Variants in SYS1 observed in about 807,000 individuals in gnomAD.
SYS1 encodes the protein protein SYS1 homolog.
Under a neutral mutation model 17.8 loss-of-function variants are expected in SYS1, and 8 were observed. The observed-to-expected ratio is 0.45, with a 90% confidence interval of 0.26 to 0.81. SYS1 has a LOEUF of 0.81. Ranked by LOEUF, SYS1 falls within the 40% of genes least tolerant of loss-of-function variation. The pLI, the probability that SYS1 is intolerant of heterozygous loss-of-function variation, is 0.16. For missense variants in SYS1, 161 were observed against 203.9 expected (o/e 0.79, Z 1.28); for synonymous variants, 95 against 90.9 (o/e 1.05, Z -0.26).
chr20:45,375,274 A>G, exon 4 of SYS1: 1 of 1,614,004 alleles, frequency 6.2e-7, no homozygotes, highest in Non-Finnish European at 8.5e-7. Flanking sequence ...GCCCTCGGTG[A>G]GTGGTTGCCT....
chr20:45,363,326 C>G lies in SYS1; in HGVS notation c.-4+11C>G. 1 of 1,415,914 alleles carries G rather than the reference C, an allele frequency of 7.1e-7. No homozygotes were observed. The highest frequency in any genetic ancestry group is 9.2e-7 in the Non-Finnish European group (1 of 1,086,638). 87.7% of individuals were successfully genotyped at this position (1,415,914 alleles called of 1,614,324 possible). ...TCGAGTCTGTCACTGGTGAGTAGAC[C>G]CCAGAGGAGCTCGTGTACGGGCGGG... is the stretch of plus-strand genomic sequence containing the variant. On this transcript the variant is annotated intron_variant, in intron 1 of 3. Transcript: ENST00000243918.
intron 2 of SYS1, among the ~76,000 whole-genome samples, chr20:45,364,322 G>A (rs1988329774): frequency 6.6e-6 from 1 of 151,958 alleles, no homozygotes; most frequent in African/African-American, 2.4e-5. Flanking sequence ...AAAGTGGGCC[G>A]GATGCTCCTA....
intron 1 of SYS1, 27 bp from the exon 2 acceptor site, chr20:45,363,502 G>T (rs1215236086): frequency 1.3e-6 from 2 of 1,570,064 alleles, no homozygotes; most frequent in East Asian, 2.3e-5. Flanking sequence ...CAGGCCGCTG[G>T]CTGAGGCCCG....
At position 45,363,640 on chromosome 20, in the gene SYS1, G is replaced by C; in HGVS notation, c.109G>C (p.Val37Leu). 1.3e-6 allele frequency: 2 copies of C among 1,580,708 alleles called. No individual in the cohort carries two copies. Among genetic ancestry groups the C allele is most frequent in the Non-Finnish European group, 1.7e-6 (2 of 1,164,604 alleles). ...YGSLGLWLALVDGLVRSSPSL... is the reference protein window; with the variant it reads ...YGSLGLWLALLDGLVRSSPSL... The stretch of plus-strand genomic sequence containing the variant: ...CTCGCTGGGCCTGTGGCTGGCGCTG[G>C]TGGACGGGCTAGTGCGAAGCAGCCC... The change falls in exon 2 of 4, where the codon GTG (valine) becomes CTG (leucine). Residue 37 changes from valine to leucine, a missense_variant. Val to Leu is a conservative substitution (Grantham distance 32). Transcript: ENST00000243918.
In SYS1 at chr20:45,368,862, C is replaced by G. The variant is rs7098; in HGVS notation, c.*1747C>G. ...GTGGCTGCTGTCACCCTTGACCAGC[C>G]GTGGTGGTGGTTACTCCATCTGTGG... On this transcript the variant is annotated 3_prime_UTR_variant, in exon 4 of 4. Coordinates refer to ENST00000243918, the MANE Select transcript of SYS1 (RefSeq NM_033542.4). The G allele has an allele frequency of 3.0e-6, 3 of 984,904 alleles. No homozygotes were observed. The African/African-American group carries it at 5.3e-5, about 17-fold the overall frequency. 61.0% of individuals were successfully genotyped at this position (984,904 alleles called of 1,614,324 possible).
exon 4 of SYS1, chr20:45,375,106 C>T (rs1988684845): frequency 6.2e-7 from 1 of 1,613,986 alleles, no homozygotes; most frequent in Non-Finnish European, 8.5e-7. Flanking sequence ...GCGCTTGACC[C>T]AACGCAGGGT....
chr20:45,370,554 G>C (rs77896097), downstream of SYS1, among the ~76,000 whole-genome samples: 80 of 152,226 alleles, frequency 5.3e-4, 3 homozygotes, highest in East Asian at 0.014. Flanking sequence ...TGCCAAATGA[G>C]AGCCACGATG....
At chr20:45,371,722 G>A (rs926586581), downstream of SYS1, among the ~76,000 whole-genome samples, 6 of 152,330 alleles carry the variant, frequency 3.9e-5, no homozygotes, top group African/African-American at 2.4e-5. Flanking sequence ...GTAAACGTAC[G>A]TTTGGCTTGT....
chr20:45,374,199 C>T (rs1988647828), downstream of SYS1: 1 of 672,666 alleles, frequency 1.5e-6, no homozygotes, highest in African/African-American at 1.8e-5. Flanking sequence ...GTGGGACTTT[C>T]ATTCTCCCAC....
Position 45,367,346 on chromosome 20 carries a change from AG to A in SYS1, c.*235del, listed in dbSNP as rs1206867815. 1 of 1,377,258 alleles carries A rather than the reference AG, an allele frequency of 7.3e-7. No individual in the cohort carries two copies. The highest frequency in any genetic ancestry group is 3.1e-5 in the Admixed American group (1 of 32,266). 85.3% of individuals were successfully genotyped at this position (1,377,258 alleles called of 1,614,324 possible). On this transcript the variant is annotated 3_prime_UTR_variant, in exon 4 of 4. Coordinates refer to ENST00000243918, the MANE Select transcript of SYS1 (RefSeq NM_033542.4). Reference sequence around the variant, plus strand: ...AGCCTTGGTATCTGAGAGGTCAGGAAGGGGACCTCTTTGAGGGTAATAACAG... The same window carrying A: ...AGCCTTGGTATCTGAGAGGTCAGGAAGGGACCTCTTTGAGGGTAATAACAG...
downstream of SYS1, among the ~76,000 whole-genome samples, chr20:45,370,810 G>A (rs1407394358): frequency 6.6e-6 from 1 of 152,176 alleles, no homozygotes; most frequent in Non-Finnish European, 1.5e-5. Context: ...GGGGACCTAG[G>A]GCAGAGGAGT....
chr20:45,369,596 C>CTTTTTTTTTTTTTT (rs573922300), downstream of SYS1, among the ~76,000 whole-genome samples: 1 of 102,884 alleles, frequency 9.7e-6, no homozygotes, highest in Admixed American at 1.1e-4. Context: ...CAGAGATTTC[C>CTTTTTTTTTTTTTT]TTTTTTTTTT....
Position 45,363,573 on chromosome 20 carries a change from G to A in SYS1, c.42G>A (p.Leu14=), listed in dbSNP as rs979115037. 8.1e-6 allele frequency: 13 copies of A among 1,596,276 alleles called. No homozygotes were observed. The highest frequency in any genetic ancestry group is 1.7e-4 in the Middle Eastern group (1 of 6,058). ...QFRSYVWDPL[L]ILSQIVLMQT... Reference sequence around the variant, plus strand: ...GCAGCTACGTGTGGGACCCGCTGCTGATCCTGTCGCAGATCGTCCTCATGC... The same window carrying A: ...GCAGCTACGTGTGGGACCCGCTGCTAATCCTGTCGCAGATCGTCCTCATGC... Residue 14 remains leucine (L), a synonymous_variant, in exon 2 of 4, where the codon CTG becomes CTA. Transcript: ENST00000243918.
chr20:45,362,051 G>C, upstream of SYS1: 1 of 984,090 alleles, frequency 1.0e-6, no homozygotes, highest in Non-Finnish European at 1.2e-6. Context: ...ATTTGCTCTT[G>C]CTTTTTCTGT....
exon 4 of SYS1, chr20:45,375,800 T>G (rs1232595141): frequency 7.9e-6 from 4 of 506,218 alleles, no homozygotes; most frequent in Non-Finnish European, 1.4e-5. Flanking sequence ...GAATATTGTC[T>G]ACATCATCTG....
At chr20:45,375,551 C>G in exon 4 of SYS1, 2 of 1,603,712 alleles carry the variant, frequency 1.2e-6, no homozygotes, top group Non-Finnish European at 1.7e-6. Flanking sequence ...GCACTGTTTT[C>G]CCTGGCAGGG....
At chr20:45,363,831 C>T in intron 2 of SYS1, 138 bp downstream of exon 2, 3 of 897,066 alleles carry the variant, frequency 3.3e-6, no homozygotes, top group Non-Finnish European at 5.0e-6. Context: ...CCTTTCTGAG[C>T]CTCAGCTGCC....
intron 2 of SYS1, among the ~76,000 whole-genome samples, chr20:45,364,312 A>G (rs1413907559): frequency 1.3e-5 from 2 of 152,116 alleles, no homozygotes; most frequent in African/African-American, 4.8e-5. Flanking sequence ...CCTTTTCTGA[A>G]AAGTGGGCCG....
rs1003600768 is a variant in SYS1 at position 45,368,878 on chromosome 20, C to T, written c.*1763C>T. On this transcript the variant is annotated 3_prime_UTR_variant, in exon 4 of 4. Coordinates refer to ENST00000243918, the MANE Select transcript of SYS1 (RefSeq NM_033542.4). The stretch of plus-strand genomic sequence containing the variant: ...TTGACCAGCCGTGGTGGTGGTTACT[C>T]CATCTGTGGTTGGAGCGCCTCTTTG... 6 of 985,288 alleles carry T rather than the reference C, an allele frequency of 6.1e-6. No individual in the cohort carries two copies. Among genetic ancestry groups the T allele is most frequent in the African/African-American group, 3.5e-5 (2 of 57,238 alleles). 61.0% of individuals were successfully genotyped at this position (985,288 alleles called of 1,614,324 possible). A position where few individuals can be genotyped will look rare whatever the true frequency, so the allele number is the denominator to read the frequency against.
Sources: allele counts gnomAD v4.1 joint callset (sites outside exome capture counted in the v4.1 genomes callset), GRCh38; gene constraint gnomAD v4.1.1; transcripts MANE v1.5; gene names NCBI Gene and HGNC (gene_info 2026-07-23, HGNC 2026-07-21).